Variants in DCXR observed in about 807,000 individuals in gnomAD.
The protein encoded by DCXR is dicarbonyl and L-xylulose reductase, also known as L-xylulose reductase.
In DCXR, 24 loss-of-function variants were observed where a neutral mutation model predicts 25.9. The ratio of observed to expected loss-of-function variants is 0.93; its 90% CI spans 0.67 to 1.30. The LOEUF is 1.30. Among genes scored for constraint, DCXR ranks in the 50% most tolerant of loss-of-function variants. The probability of loss-of-function intolerance (pLI) is 0.00; values close to 1 mark genes in which losing one functional copy is unlikely to be tolerated. For synonymous variants in DCXR, 161 were observed against 141.7 expected (o/e 1.14, Z -0.97); for missense variants, 348 against 333.7 (o/e 1.04, Z -0.33).
chr17:82,036,515 G>A (rs367865246), intron 5 of DCXR, 29 bp downstream of exon 5: 1 of 1,612,322 alleles, frequency 6.2e-7, no homozygotes, highest in East Asian at 2.2e-5. Flanking sequence ...GGGCTGGGGT[G>A]GGGCTGAGGG....
At chr17:82,037,258 G>C in intron 2 of DCXR, 192 bp downstream of exon 2, 1 of 861,626 alleles carries the variant, frequency 1.2e-6, no homozygotes, top group Non-Finnish European at 1.7e-6. Context: ...GGGGGCCCCG[G>C]CGGCTCTGCC....
At chr17:82,036,809 G>A (rs764767595) in intron 3 of DCXR, 46 bp from the exon 4 acceptor site, 11 of 1,613,320 alleles carry the variant, frequency 6.8e-6, no homozygotes, top group Admixed American at 5.0e-5. Flanking sequence ...GGGCTGCTGC[G>A]TCCTCCAGGA....
Position 82,036,279 on chromosome 17 carries a change from C to T in DCXR, c.543G>A (p.Val181=). The T allele has an allele frequency of 6.2e-7, 1 of 1,610,870 alleles. No homozygotes were observed. Among genetic ancestry groups the T allele is most frequent in the Non-Finnish European group, 8.5e-7 (1 of 1,178,754 alleles). The change falls in exon 7 of 8, where the codon GTG becomes GTA. Residue 181 remains valine, a synonymous_variant. Coordinates refer to ENST00000306869, the MANE Select transcript of DCXR (RefSeq NM_016286.4). The part of the protein sequence containing the change: ...KIRVNAVNPT[V]VMTSMGQATW... ...TGGCCTGGCCCATGGACGTCATCAC[C>T]ACTGTGGGGTTTACTGCATTCACTC...
chr17:82,037,336 A>G, intron 2 of DCXR, 114 bp downstream of exon 2: 1 of 1,201,966 alleles, frequency 8.3e-7, no homozygotes, highest in South Asian at 1.6e-5. Flanking sequence ...GGCCGCGGTG[A>G]GAAGCGCAGC....
Position 82,036,026 on chromosome 17 carries a change from C to G in DCXR, c.669G>C (p.Leu223=), listed in dbSNP as rs2043486859. The change falls in exon 8 of 8, where the codon CTG becomes CTC. Residue 223 remains leucine (L), a synonymous_variant. Transcript: ENST00000306869. ...EHVVNAILFL[L]SDRSGMTTGS... is the part of the protein sequence containing the mutation. Reference sequence around the variant, plus strand: ...CCGTGGTCATGCCACTTCGGTCACTCAGCAGAAAGAGGATGGCGTTCACCA... The same window carrying G: ...CCGTGGTCATGCCACTTCGGTCACTGAGCAGAAAGAGGATGGCGTTCACCA... The G allele has an allele frequency of 6.2e-7, 1 of 1,613,248 alleles. No homozygotes were observed. The highest frequency in any genetic ancestry group is 1.3e-5 in the African/African-American group (1 of 74,914).
intron 2 of DCXR, chr17:82,037,234 C>G: frequency 1.2e-6 from 1 of 845,424 alleles, no homozygotes; most frequent in East Asian, 2.7e-5. Context: ...CCATTTCGGC[C>G]TCTTTCTGAG....
intron 2 of DCXR, 86 bp downstream of exon 2, chr17:82,037,364 G>C (rs866747122): frequency 7.5e-7 from 1 of 1,339,112 alleles, no homozygotes; most frequent in Non-Finnish European, 9.9e-7. Flanking sequence ...AGGGGAGGCG[G>C]AGTCGCGCAC....
chr17:82,036,149 G>A (rs377245458), intron 7 of DCXR, 42 bp downstream of exon 7: 61 of 1,608,556 alleles, frequency 3.8e-5, no homozygotes, highest in Non-Finnish European at 4.9e-5. Context: ...GCACACACAG[G>A]GACTGCTGGC....
intron 3 of DCXR, 26 bp from the exon 4 acceptor site, chr17:82,036,789 T>C: frequency 6.2e-7 from 1 of 1,613,524 alleles, no homozygotes; most frequent in Non-Finnish European, 8.5e-7. Context: ...CAGACCCTGG[T>C]CAGAGATTAG....
chr17:82,037,405 C>T, intron 2 of DCXR, 45 bp downstream of exon 2: 1 of 1,509,210 alleles, frequency 6.6e-7, no homozygotes, highest in Non-Finnish European at 8.8e-7. Context: ...CTGCCGCCCC[C>T]TCCTGGCTCG....
chr17:82,036,052 C>T lies in DCXR; in HGVS notation c.643G>A (p.Val215Met), dbSNP rs1001417646. Residue 215 changes from valine to methionine, a missense_variant, in exon 8 of 8, where the codon GTG (valine) becomes ATG (methionine). By Grantham distance (21) the Val-to-Met change is conservative. Transcript: ENST00000306869. ...AGCAGAAAGAGGATGGCGTTCACCA[C>T]GTGCTCTACCTCTGTGGGCAGGGCG... is the stretch of plus-strand genomic sequence containing the variant. ...PLGKFAEVEH[V>M]VNAILFLLSD... is the part of the protein sequence containing the mutation. The T allele has an allele frequency of 1.1e-5, 18 of 1,613,182 alleles. No homozygotes were observed. The Admixed American group carries it at 1.8e-4, about 16-fold the overall frequency.
At position 82,035,985 on chromosome 17, in the gene DCXR, A is replaced by T; in HGVS notation, c.710T>A (p.Val237Glu). The T allele has an allele frequency of 6.2e-7, 1 of 1,613,212 alleles. No individual in the cohort carries two copies. Among genetic ancestry groups the T allele is most frequent in the Non-Finnish European group, 8.5e-7 (1 of 1,179,984 alleles). ...TCAGCAGGCCCAGAAGCCCCCTTCCACCGGCAAAGTGGAACCCGTGGTCAT... is the reference window on the plus strand; with the variant it reads ...TCAGCAGGCCCAGAAGCCCCCTTCCTCCGGCAAAGTGGAACCCGTGGTCAT... ...SGMTTGSTLP[V>E]EGGFWAC The change falls in exon 8 of 8, where the codon GTG becomes GAG. Residue 237 changes from valine to glutamate, a missense_variant. By Grantham distance (121) the Val-to-Glu change is moderately radical. Coordinates refer to ENST00000306869, the MANE Select transcript of DCXR (RefSeq NM_016286.4).
Position 82,036,056 on chromosome 17 carries a change from C to T in DCXR, c.639G>A (p.Glu213=), listed in dbSNP as rs2144167251. Residue 213 remains glutamate, a synonymous_variant, in exon 8 of 8, where the codon GAG becomes GAA. Coordinates refer to ENST00000306869, the MANE Select transcript of DCXR (RefSeq NM_016286.4). ...GAAAGAGGATGGCGTTCACCACGTGCTCTACCTCTGTGGGCAGGGCGGGGG... is the reference window on the plus strand; with the variant it reads ...GAAAGAGGATGGCGTTCACCACGTGTTCTACCTCTGTGGGCAGGGCGGGGG... ...RIPLGKFAEV[E]HVVNAILFLL... 4 of 1,613,272 alleles carry T rather than the reference C, an allele frequency of 2.5e-6. No individual in the cohort carries two copies. Among genetic ancestry groups the T allele is most frequent in the Non-Finnish European group, 3.4e-6 (4 of 1,179,972 alleles).
At position 82,036,644 on chromosome 17, in the gene DCXR, C is replaced by T. The variant is rs758772890; in HGVS notation, c.349-1G>A. 4 of 1,613,382 alleles carry T rather than the reference C, an allele frequency of 2.5e-6. No homozygotes were observed. In the Admixed American group the frequency reaches 6.7e-5, roughly 27 times the overall value. ...GGGCTATTAAGCCCCTGGCCACAAT[C>T]TGGAATCGCAGCGAGACCGTGAGGC... On this transcript the variant is annotated splice_acceptor_variant, in intron 4 of 7. Transcript: ENST00000306869. LOFTEE classifies it high-confidence loss of function.
At chr17:82,037,598 G>T in intron 1 of DCXR, 33 bp downstream of exon 1, 1 of 1,554,792 alleles carries the variant, frequency 6.4e-7, no homozygotes, top group Non-Finnish European at 8.6e-7. Flanking sequence ...TCTGCCCGCC[G>T]CCGGCCTTTG....
chr17:82,036,352 TA>T (rs1414827800), intron 6 of DCXR, 31 bp downstream of exon 6: 1 of 1,613,054 alleles, frequency 6.2e-7, no homozygotes, highest in East Asian at 2.2e-5. Context: ...TGGGGTGTCC[TA>T]GGTTGGGGGA....
rs768761639 is a variant in DCXR at position 82,036,879 on chromosome 17, G to A, written c.285C>T (p.Val95=). 4 of 1,613,214 alleles carry A rather than the reference G, an allele frequency of 2.5e-6. No homozygotes were observed. The highest frequency in any genetic ancestry group is 2.2e-5 in the South Asian group (2 of 91,074). ...CTCACCTGTCAAAGGCCTCCTTGGT[G>A]ACCTCCAGGAAGGGCTGCAGCAGGG... is the stretch of plus-strand genomic sequence containing the variant. The part of the protein sequence containing the change: ...AVALLQPFLE[V]TKEAFDRSFE... The change falls in exon 3 of 8, where the codon GTC becomes GTT. Residue 95 remains valine, a synonymous_variant. Transcript: ENST00000306869.
In DCXR at chr17:82,036,644, C is replaced by G; in HGVS notation, c.349-1G>C. 6.2e-7 allele frequency: 1 copy of G among 1,613,382 alleles called. No homozygotes were observed. Among genetic ancestry groups the G allele is most frequent in the Non-Finnish European group, 8.5e-7 (1 of 1,180,004 alleles). On this transcript the variant is annotated splice_acceptor_variant, in intron 4 of 7. Transcript: ENST00000306869. LOFTEE classifies it high-confidence loss of function. ...GGGCTATTAAGCCCCTGGCCACAATCTGGAATCGCAGCGAGACCGTGAGGC... is the reference window on the plus strand; with the variant it reads ...GGGCTATTAAGCCCCTGGCCACAATGTGGAATCGCAGCGAGACCGTGAGGC...
At position 82,036,899 on chromosome 17, in the gene DCXR, G is replaced by C; in HGVS notation, c.265C>G (p.Leu89Val). Residue 89 changes from leucine to valine, a missense_variant, in exon 3 of 8, where the codon CTG (leucine) becomes GTG (valine). Coordinates refer to ENST00000306869, the MANE Select transcript of DCXR (RefSeq NM_016286.4). ...TTGGTGACCTCCAGGAAGGGCTGCA[G>C]CAGGGCGACAGCGGCGTTGTTCACC... Reference protein sequence around the residue: ...LLVNNAAVALLQPFLEVTKEA... With the variant: ...LLVNNAAVALVQPFLEVTKEA... The C allele has an allele frequency of 6.2e-7, 1 of 1,613,092 alleles. No homozygotes were observed. Among genetic ancestry groups the C allele is most frequent in the Non-Finnish European group, 8.5e-7 (1 of 1,179,978 alleles).
Sources: gnomAD v4.1 joint callset for allele counts on GRCh38, gnomAD v4.1.1 for gene constraint, MANE v1.5 for transcripts, NCBI Gene and HGNC (gene_info 2026-07-23, HGNC 2026-07-21) for gene names.